GALNT13: variants seen among roughly 807,000 people sequenced by gnomAD.
GALNT13 encodes UDP-GalNAc:polypeptide N-acetylgalactosaminyltransferase 13.
GALNT13 carries 28 observed loss-of-function variants against 64.2 expected under a neutral mutation model. The ratio of observed to expected loss-of-function variants is 0.44; its 90% CI spans 0.32 to 0.60. GALNT13 has a LOEUF of 0.60. Ranked by LOEUF, GALNT13 falls within the 20% of genes least tolerant of loss-of-function variation. The pLI, the probability that GALNT13 is intolerant of heterozygous loss-of-function variation, is 0.05. For synonymous variants in GALNT13, 214 were observed against 224.6 expected, an observed-to-expected ratio of 0.95 and a Z score of 0.42; for missense variants, 577 against 669.8, an observed-to-expected ratio of 0.86 and a Z score of 1.53.
At chr2:153,244,070 T>G in the GALNT13 span, among the ~76,000 whole-genome samples, 2 of 139,076 alleles carry the variant, frequency 1.4e-5, no homozygotes, top group Non-Finnish European at 2.9e-5. Flanking sequence ...TGAGAAAAAA[T>G]GAAAGATTTT....
At chr2:153,978,243 A>G (rs1694206468) in intron 3 of GALNT13, among the ~76,000 whole-genome samples, 2 of 152,172 alleles carry the variant, frequency 1.3e-5, no homozygotes, top group Non-Finnish European at 2.9e-5. Context: ...TTCCTGAAAG[A>G]CTAAGATAGT....
At chr2:153,695,480 T>G in the GALNT13 span, among the ~76,000 whole-genome samples, 1 of 152,210 alleles carries the variant, frequency 6.6e-6, no homozygotes, top group Non-Finnish European at 1.5e-5. Context: ...AGCTCTAATA[T>G]TTCAGGAATG....
At chr2:153,588,922 T>C in the GALNT13 span, among the ~76,000 whole-genome samples, 1 of 152,280 alleles carries the variant, frequency 6.6e-6, no homozygotes. Context: ...AATCCAGCAC[T>C]TTGGGAGGCC....
chr2:154,391,936 G>T (rs1277164617), intron 9 of GALNT13, among the ~76,000 whole-genome samples: 1 of 152,134 alleles, frequency 6.6e-6, no homozygotes, highest in Non-Finnish European at 1.5e-5. Context: ...TGATAGGAAG[G>T]TCAGAATAAA....
the GALNT13 span, among the ~76,000 whole-genome samples, chr2:153,749,775 A>C: frequency 2.0e-5 from 3 of 151,900 alleles, no homozygotes; most frequent in Non-Finnish European, 2.9e-5. Context: ...TATCATCTGC[A>C]AATAAGGATA....
chr2:153,395,787 A>G, the GALNT13 span, among the ~76,000 whole-genome samples: 1 of 152,100 alleles, frequency 6.6e-6, no homozygotes, highest in Non-Finnish European at 1.5e-5. Flanking sequence ...ACAAGATCAT[A>G]TTTGCCTTGA....
At chr2:153,114,336 T>G in the GALNT13 span, among the ~76,000 whole-genome samples, 1 of 152,106 alleles carries the variant, frequency 6.6e-6, no homozygotes. Context: ...AACCCCATGG[T>G]TTCACTCCCC....
chr2:153,191,625 A>G, the GALNT13 span, among the ~76,000 whole-genome samples: 2 of 151,906 alleles, frequency 1.3e-5, no homozygotes, highest in Middle Eastern at 3.4e-3. Context: ...TTTTTGGACT[A>G]GTTTGAGGAG....
At chr2:153,290,750 A>G in the GALNT13 span, among the ~76,000 whole-genome samples, 1 of 152,188 alleles carries the variant, frequency 6.6e-6, no homozygotes, top group Admixed American at 6.5e-5. Flanking sequence ...TGTACCTTGC[A>G]TGGAGTAGTG....
intron 10 of GALNT13, among the ~76,000 whole-genome samples, chr2:154,400,908 T>G (rs1007551050): frequency 1.9e-4 from 28 of 150,594 alleles, no homozygotes; most frequent in African/African-American, 6.6e-4. Context: ...CAGCCCAAAT[T>G]TTTGGGTTAT....
chr2:153,494,414 A>G, the GALNT13 span, among the ~76,000 whole-genome samples: 1 of 152,040 alleles, frequency 6.6e-6, no homozygotes, highest in African/African-American at 2.4e-5. Context: ...GGATAGATAT[A>G]AAGGTCAATA....
At chr2:154,429,097 G>A (rs2105443744) in intron 11 of GALNT13, among the ~76,000 whole-genome samples, 1 of 152,160 alleles carries the variant, frequency 6.6e-6, no homozygotes, top group East Asian at 1.9e-4. Flanking sequence ...TCCTGTTCCT[G>A]AAACACAACA....
At chr2:153,865,450 A>C in the GALNT13 span, among the ~76,000 whole-genome samples, 2 of 144,700 alleles carry the variant, frequency 1.4e-5, no homozygotes, top group East Asian at 2.0e-4. Context: ...CAATGAACTC[A>C]AACAAATTTA....
intron 3 of GALNT13, among the ~76,000 whole-genome samples, chr2:153,955,033 C>A (rs1278529266): frequency 6.6e-6 from 1 of 151,768 alleles, no homozygotes; most frequent in African/African-American, 2.4e-5. Context: ...GTGAAAAGTA[C>A]CTTTGCCAGG....
chr2:154,184,080 A>C (rs1374050234), intron 4 of GALNT13, among the ~76,000 whole-genome samples: 1 of 151,756 alleles, frequency 6.6e-6, no homozygotes, highest in Non-Finnish European at 1.5e-5. Flanking sequence ...GAATTTATAA[A>C]TTTATAATAT....
chr2:153,104,220 GTTTT>G, the GALNT13 span, among the ~76,000 whole-genome samples: 1 of 152,050 alleles, frequency 6.6e-6, no homozygotes, highest in Non-Finnish European at 1.5e-5. Context: ...AAATATAATT[GTTTT>G]TTATCTGGCA....
At chr2:153,400,504 T>G in the GALNT13 span, among the ~76,000 whole-genome samples, 1 of 152,140 alleles carries the variant, frequency 6.6e-6, no homozygotes, top group East Asian at 1.9e-4. Flanking sequence ...GGAATGGTAC[T>G]AGTTCCTCCT....
the GALNT13 span, among the ~76,000 whole-genome samples, chr2:153,768,900 T>A: frequency 6.6e-6 from 1 of 152,184 alleles, no homozygotes; most frequent in African/African-American, 2.4e-5. Flanking sequence ...CTGTTTTATC[T>A]AATGTAAGGA....
chr2:153,661,101 G>A, the GALNT13 span, among the ~76,000 whole-genome samples: 7 of 152,114 alleles, frequency 4.6e-5, no homozygotes, highest in African/African-American at 1.4e-4. Flanking sequence ...ACAGGTGAAA[G>A]AATTATCTAG....
Sources: gnomAD v4.1 joint callset for allele counts (sites outside exome capture counted in the v4.1 genomes callset) on GRCh38, gnomAD v4.1.1 for gene constraint, MANE v1.5 for transcripts, NCBI Gene and HGNC (gene_info 2026-07-23, HGNC 2026-07-21) for gene names.